Variants in GPHN observed in about 807,000 individuals in gnomAD.
The protein encoded by GPHN is gephyrin.
GPHN carries 17 observed loss-of-function variants against 95.5 expected under a neutral mutation model. The observed-to-expected ratio is 0.18, with a 90% CI of 0.12 to 0.27. The LOEUF is 0.27. Among genes scored for constraint, GPHN ranks in the 10% least tolerant of loss-of-function variants. The pLI is 1.00. For missense variants in GPHN, 660 were observed against 978.1 expected, an observed-to-expected ratio of 0.67 and a Z score of 4.34; for synonymous variants, 320 against 322.5, an observed-to-expected ratio of 0.99 and a Z score of 0.08.
the GPHN span, chr14:67,652,602 G>A: frequency 6.6e-6 from 1 of 152,220 alleles, no homozygotes; most frequent in Non-Finnish European, 1.5e-5. Context: ...AGTGCCAGCA[G>A]ATTCTGCAGC....
intron 1 of GPHN, among the ~76,000 whole-genome samples, chr14:66,551,660 G>A (rs552114531): frequency 7.2e-5 from 11 of 152,302 alleles, no homozygotes; most frequent in Admixed American, 5.2e-4. Flanking sequence ...AGGTTTAATT[G>A]GCTCAGTGCT....
At chr14:66,906,190 C>T (rs958952134) in intron 5 of GPHN, among the ~76,000 whole-genome samples, 1 of 152,096 alleles carries the variant, frequency 6.6e-6, no homozygotes, top group African/African-American at 2.4e-5. Context: ...CCTCCTACAG[C>T]GTGGTACTGC....
intron 2 of GPHN, among the ~76,000 whole-genome samples, chr14:66,706,822 T>C (rs888994176): frequency 3.9e-5 from 6 of 152,058 alleles, no homozygotes; most frequent in African/African-American, 1.4e-4. Flanking sequence ...TGGGATCTAA[T>C]TAAACTAAAG....
At chr14:67,511,297 T>C in the GPHN span, among the ~76,000 whole-genome samples, 2 of 152,248 alleles carry the variant, frequency 1.3e-5, no homozygotes, top group East Asian at 1.9e-4. Flanking sequence ...CCCTCATCTT[T>C]TCATATTTAT....
chr14:66,656,330 G>A (rs763853847), intron 1 of GPHN, among the ~76,000 whole-genome samples: 2 of 152,064 alleles, frequency 1.3e-5, no homozygotes, highest in Non-Finnish European at 2.9e-5. Flanking sequence ...GTAGCCTGTT[G>A]TTCTTTTGAG....
the GPHN span, among the ~76,000 whole-genome samples, chr14:67,474,170 T>C: frequency 6.6e-6 from 1 of 151,816 alleles, no homozygotes; most frequent in Non-Finnish European, 1.5e-5. Context: ...AAGAATCGCT[T>C]GAACCCGCAA....
chr14:67,545,824 T>G, the GPHN span, among the ~76,000 whole-genome samples: 1 of 152,222 alleles, frequency 6.6e-6, no homozygotes, highest in Admixed American at 6.5e-5. Flanking sequence ...ATACAGTTTA[T>G]GTACTTCTAA....
At chr14:66,847,343 G>A (rs187745948) in intron 4 of GPHN, among the ~76,000 whole-genome samples, 31 of 152,094 alleles carry the variant, frequency 2.0e-4, no homozygotes, top group Admixed American at 4.6e-4. Context: ...AGATTATGCC[G>A]ATATTTTAAT....
chr14:66,679,111 G>T (rs531331970), intron 1 of GPHN, among the ~76,000 whole-genome samples: 1 of 152,224 alleles, frequency 6.6e-6, no homozygotes, highest in Non-Finnish European at 1.5e-5. Flanking sequence ...AAGTCTCCCT[G>T]TTTACACATT....
the GPHN span, among the ~76,000 whole-genome samples, chr14:67,375,327 C>G: frequency 2.0e-5 from 3 of 150,594 alleles, no homozygotes; most frequent in African/African-American, 7.3e-5. Context: ...GCAATCTCAA[C>G]TTACTGCAAC....
the GPHN span, among the ~76,000 whole-genome samples, chr14:67,230,740 G>A: frequency 3.9e-5 from 6 of 152,194 alleles, no homozygotes; most frequent in East Asian, 7.7e-4. Context: ...ACAAATTGTC[G>A]TATGGTCATA....
the GPHN span, among the ~76,000 whole-genome samples, chr14:67,567,711 TG>T: frequency 6.6e-6 from 1 of 152,042 alleles, no homozygotes; most frequent in Non-Finnish European, 1.5e-5. Context: ...CCCTCTGGGA[TG>T]ACACCCTGAT....
the GPHN span, among the ~76,000 whole-genome samples, chr14:67,468,053 A>G: frequency 6.6e-6 from 1 of 151,822 alleles, no homozygotes; most frequent in Non-Finnish European, 1.5e-5. Context: ...GGCTCACTGC[A>G]ACCTCTGCCT....
At chr14:67,536,125 A>T in the GPHN span, among the ~76,000 whole-genome samples, 1 of 148,848 alleles carries the variant, frequency 6.7e-6, no homozygotes, top group Non-Finnish European at 1.5e-5. Flanking sequence ...GGTTGTCCTG[A>T]CCACTTCTTT....
chr14:66,860,260 A>G (rs1055385913), intron 4 of GPHN, among the ~76,000 whole-genome samples: 4 of 152,168 alleles, frequency 2.6e-5, no homozygotes, highest in Non-Finnish European at 5.9e-5. Context: ...ACGGAGCTCT[A>G]CTACATCTGG....
chr14:67,218,236 T>A, the GPHN span, among the ~76,000 whole-genome samples: 1 of 152,154 alleles, frequency 6.6e-6, no homozygotes, highest in Non-Finnish European at 1.5e-5. Context: ...AGAAGCATGA[T>A]CACACAGTTG....
At chr14:66,802,776 C>T (rs1023177909) in intron 3 of GPHN, among the ~76,000 whole-genome samples, 1 of 152,168 alleles carries the variant, frequency 6.6e-6, no homozygotes, top group African/African-American at 2.4e-5. Context: ...ACGAGGACCT[C>T]ATGACTCTGA....
intron 16 of GPHN, among the ~76,000 whole-genome samples, chr14:67,118,511 G>A (rs556953180): frequency 1.3e-5 from 2 of 152,220 alleles, no homozygotes; most frequent in African/African-American, 4.8e-5. Context: ...GGATCACAAG[G>A]TCAGGAAATT....
At chr14:67,565,518 C>T in the GPHN span, among the ~76,000 whole-genome samples, 19,549 of 152,092 alleles carry the variant, frequency 0.13, 1,499 homozygotes, top group East Asian at 0.27. Context: ...CCACCTTACC[C>T]GGTCTGAGAG....
Sources: allele counts gnomAD v4.1 joint callset (sites outside exome capture counted in the v4.1 genomes callset), GRCh38; gene constraint gnomAD v4.1.1; transcripts MANE v1.5; gene names NCBI Gene and HGNC (gene_info 2026-07-23, HGNC 2026-07-21).